ST7: variants seen among roughly 807,000 people sequenced by gnomAD.
The protein encoded by ST7 is suppression of tumorigenicity 7.
In ST7, 28 loss-of-function variants were observed where a neutral mutation model predicts 78.7. The observed-to-expected ratio is 0.36, with a 90% CI of 0.26 to 0.49. The LOEUF is 0.49. ST7 is among the 20% of genes least tolerant of loss of function. The pLI, the probability that ST7 is intolerant of heterozygous loss-of-function variation, is 0.99. For missense variants in ST7, 418 were observed against 696.0 expected (o/e 0.60, Z 4.49); for synonymous variants, 247 against 249.6 (o/e 0.99, Z 0.10).
chr7:117,223,861 T>C (rs1793277013), intron 15 of ST7: 1 of 737,500 alleles, frequency 1.4e-6, no homozygotes, highest in South Asian at 6.2e-5. Context: ...CTTTGCACAG[T>C]GCCTTGCTCA....
chr7:117,080,032 G>A (rs1799644158), intron 1 of ST7, among the ~76,000 whole-genome samples: 1 of 131,602 alleles, frequency 7.6e-6, no homozygotes. Flanking sequence ...CCAGGCTGGA[G>A]TGCAGTGGCG....
rs113617761 is a variant in ST7, at chr7:117,105,499, G to C, written c.234+5655G>C. ...GTCTCCCTATATTGCCCAGGCTGGT[G>C]TTGAATTCCTGGGCTCAAGCAATAC... On this transcript the variant is annotated intron_variant, in intron 2 of 15. Transcript: ENST00000323984. 2.8e-3 allele frequency among the ~76,000 whole-genome samples: 420 copies of C among 152,222 alleles called. 1 individual carries two copies. The highest frequency in any genetic ancestry group is 9.3e-3 in the African/African-American group (388 of 41,534).
intron 14 of ST7, among the ~76,000 whole-genome samples, chr7:117,220,280 GT>G (rs1174706482): frequency 1.8e-4 from 28 of 152,316 alleles, no homozygotes; most frequent in African/African-American, 6.3e-4. Context: ...GCCAGACCCA[GT>G]GCGAGATTTG....
chr7:117,097,906 ATATTTTTTT>A (rs1299405794), intron 1 of ST7, among the ~76,000 whole-genome samples: 335 of 30,902 alleles, frequency 0.011, 3 homozygotes, highest in African/African-American at 0.039. Flanking sequence ...ATATATATAT[ATATTTTTTT>A]TTTTTTTTTT....
chr7:116,973,782 T>C (rs1031362689), intron 1 of ST7, among the ~76,000 whole-genome samples: 1 of 152,202 alleles, frequency 6.6e-6, no homozygotes, highest in African/African-American at 2.4e-5. Context: ...AAACATTATG[T>C]TTATGAGATC....
chr7:117,223,986 A>G lies in ST7; in HGVS notation c.1638+1924A>G, dbSNP rs1018570370. The G allele has an allele frequency of 5.2e-6, 5 of 965,610 alleles. No individual in the cohort carries two copies. The African/African-American group carries it at 8.8e-5, about 17-fold the overall frequency. 59.8% of individuals were successfully genotyped at this position (965,610 alleles called of 1,614,324 possible). On this transcript the variant is annotated intron_variant, in intron 15 of 15. Transcript: ENST00000323984. ...AGTATTTTTTTTTCTCTTCTTGTAT[A>G]CTTATAATCATAGCCTCTTAGAGTT...
intron 1 of ST7, 42 bp downstream of exon 1, chr7:116,953,733 C>G (rs748711364): frequency 3.0e-5 from 41 of 1,356,836 alleles, no homozygotes; most frequent in Non-Finnish European, 3.7e-5. Context: ...ACCCCTCCCC[C>G]GCCCCGGAAA....
Position 117,030,771 on chromosome 7 carries a change from A to G in ST7, c.152-68991A>G, listed in dbSNP as rs935283366. 2.0e-5 allele frequency among the ~76,000 whole-genome samples: 3 copies of G among 152,230 alleles called. 1 individual carries two copies. The highest frequency in any genetic ancestry group is 7.2e-5 in the African/African-American group (3 of 41,458). ...AATTAGTTCAGCCATTGTGGAAAGC[A>G]GTGTGGCAACTCCTCGAAGAACCAA... On this transcript the variant is annotated intron_variant, in intron 1 of 15. Transcript: ENST00000323984.
intron 1 of ST7, chr7:116,967,319 A>T (rs199925144): frequency 1.5e-5 from 7 of 471,100 alleles, no homozygotes; most frequent in Non-Finnish European, 3.1e-5. Flanking sequence ...TTAATGACCA[A>T]TTCTGCCTTT....
chr7:117,199,786 C>T (rs561710637), intron 12 of ST7, among the ~76,000 whole-genome samples: 16 of 152,342 alleles, frequency 1.1e-4, no homozygotes, highest in Non-Finnish European at 1.9e-4. Flanking sequence ...AGGCAGAGTT[C>T]TGCTGGGCCC....
chr7:117,081,150 G>A lies in ST7; in HGVS notation c.152-18612G>A, dbSNP rs190283233. ...AAATTATAACTTGAAAATATAAAAG[G>A]GTATTACCTCAAATGTTGATTAAAA... On this transcript the variant is annotated intron_variant, in intron 1 of 15. Transcript: ENST00000323984. 17 of 151,856 alleles carry A rather than the reference G, an allele frequency of 1.1e-4. No individual in the cohort carries two copies. The East Asian group carries it at 3.1e-3, about 28-fold the overall frequency. 9.4% of individuals were successfully genotyped at this position (151,856 alleles called of 1,614,324 possible). A position where few individuals can be genotyped will look rare whatever the true frequency, so the allele number is the denominator to read the frequency against.
intron 1 of ST7, chr7:116,954,763 C>A: frequency 8.8e-6 from 2 of 226,704 alleles, no homozygotes; most frequent in Admixed American, 5.3e-5. Context: ...TACATATGTA[C>A]ACATATATAT....
rs370235468 is a variant in ST7 at position 116,953,574 on chromosome 7, C to T, written c.34C>T (p.Leu12Phe). 4 of 1,468,096 alleles carry T rather than the reference C, an allele frequency of 2.7e-6. No individual in the cohort carries two copies. In the African/African-American group the frequency reaches 5.8e-5, roughly 21 times the overall value. 90.9% of individuals were successfully genotyped at this position (1,468,096 alleles called of 1,614,324 possible). Reference protein sequence around the residue: ...AEAATGFLEQLKSCIVWSWTY... With the variant: ...AEAATGFLEQFKSCIVWSWTY... Reference sequence around the variant, plus strand: ...AGCGGCCACGGGCTTTCTGGAGCAGCTCAAGTCCTGCATAGTTTGGTCTTG... The same window carrying T: ...AGCGGCCACGGGCTTTCTGGAGCAGTTCAAGTCCTGCATAGTTTGGTCTTG... The change falls in exon 1 of 16, where the codon CTC becomes TTC. Residue 12 changes from leucine to phenylalanine, a missense_variant. Physicochemically the swap from Leu to Phe is conservative, Grantham distance 22 (BLOSUM62 0). This residue lies in a region of ST7 where 71 missense variants were observed against 61.5 expected (regional missense o/e 1.16). Transcript: ENST00000323984.
rs180737442 is a variant in ST7, at chr7:117,070,610, G to C, written c.152-29152G>C. 5.3e-5 allele frequency among the ~76,000 whole-genome samples: 8 copies of C among 152,110 alleles called. No homozygotes were observed. In the East Asian group the frequency reaches 1.6e-3, roughly 30 times the overall value. Reference sequence around the variant, plus strand: ...AGGCTGGATGCAGTGGCGCGATCTCGGCTCACTGCAAGCTCCGCCTCTCGG... The same window carrying C: ...AGGCTGGATGCAGTGGCGCGATCTCCGCTCACTGCAAGCTCCGCCTCTCGG... On this transcript the variant is annotated intron_variant, in intron 1 of 15. Transcript: ENST00000323984.
At chr7:116,987,393 C>T (rs934888637) in intron 1 of ST7, among the ~76,000 whole-genome samples, 4 of 152,190 alleles carry the variant, frequency 2.6e-5, no homozygotes, top group East Asian at 1.9e-4. Flanking sequence ...CCTGCTGTGG[C>T]ATCACTGGCT....
chr7:116,973,985 G>T (rs1793570180), intron 1 of ST7, among the ~76,000 whole-genome samples: 1 of 152,114 alleles, frequency 6.6e-6, no homozygotes, highest in Admixed American at 6.6e-5. Context: ...GGAAATTTGT[G>T]GGGGACATTT....
chr7:117,213,453 G>GTGGAGGTGT (rs938993237), intron 13 of ST7, among the ~76,000 whole-genome samples: 1 of 152,038 alleles, frequency 6.6e-6, no homozygotes, highest in African/African-American at 2.4e-5. Context: ...GGGAGTAGGG[G>GTGGAGGTGT]TGGAGGTGTA....
Position 117,138,463 on chromosome 7 carries a change from CA to C in ST7, c.898del (p.Arg300GlufsTer3). On this transcript the variant is annotated frameshift_variant, in exon 9 of 16. Transcript: ENST00000323984. LOFTEE classifies it high-confidence loss of function. ...RRDTNVLVYIKRRLAMCARRL... is the reference protein window; with the variant it reads ...RRDTNVLVYIXRRLAMCARRL... Reference sequence around the variant, plus strand: ...GAGACACCAATGTCTTGGTGTACATCAAAAGAAGGCTAGCAATGTGTGCCAG... The same window carrying C: ...GAGACACCAATGTCTTGGTGTACATCAAAGAAGGCTAGCAATGTGTGCCAG... 6.2e-7 allele frequency: 1 copy of C among 1,608,702 alleles called. No individual in the cohort carries two copies. The highest frequency in any genetic ancestry group is 8.5e-7 in the Non-Finnish European group (1 of 1,177,328).
chr7:117,124,799 T>C (rs139903741), intron 3 of ST7, among the ~76,000 whole-genome samples: 138 of 152,276 alleles, frequency 9.1e-4, no homozygotes, highest in African/African-American at 3.2e-3. Context: ...AATGAGGTCA[T>C]GTGGAAATGT....
Sources: gnomAD v4.1 joint callset for allele counts (sites outside exome capture counted in the v4.1 genomes callset) on GRCh38, gnomAD v4.1.1 for gene constraint, gnomAD v4.1.1 regional missense constraint, MANE v1.5 for transcripts, NCBI Gene and HGNC (gene_info 2026-07-23, HGNC 2026-07-21) for gene names.